LARP4: variants seen among roughly 807,000 people sequenced by gnomAD.
LARP4 encodes La ribonucleoprotein 4, also known as la-related protein 4.
Under a neutral mutation model 92.9 loss-of-function variants are expected in LARP4, and 29 were observed. That is an observed-to-expected ratio of 0.31 (90% CI 0.23 to 0.43). LARP4 has a LOEUF of 0.43. Among genes scored for constraint, LARP4 ranks in the 20% least tolerant of loss-of-function variants. The probability of loss-of-function intolerance (pLI) is 1.00; values close to 1 mark genes in which losing one functional copy is unlikely to be tolerated. For synonymous variants in LARP4, 279 were observed against 284.1 expected, an observed-to-expected ratio of 0.98 and a Z score of 0.18; for missense variants, 732 against 860.0, an observed-to-expected ratio of 0.85 and a Z score of 1.86.
intron 1 of LARP4, among the ~76,000 whole-genome samples, chr12:50,411,908 C>T (rs1016563281): frequency 6.6e-6 from 1 of 152,152 alleles, no homozygotes; most frequent in African/African-American, 2.4e-5. Context: ...GTCTTGAACT[C>T]CTGACCTCAG....
chr12:50,404,608 C>A (rs548510055), intron 1 of LARP4, among the ~76,000 whole-genome samples: 18 of 151,240 alleles, frequency 1.2e-4, no homozygotes, highest in Admixed American at 2.0e-4. Flanking sequence ...GAGACCGAGT[C>A]TCGCTCTGAG....
intron 10 of LARP4, among the ~76,000 whole-genome samples, chr12:50,460,668 C>T (rs567644526): frequency 5.3e-5 from 8 of 151,870 alleles, no homozygotes; most frequent in Middle Eastern, 3.4e-3. Flanking sequence ...TGGCCTGGCA[C>T]GGTGGCTCAC....
intron 5 of LARP4, 68 bp from the exon 6 acceptor site, chr12:50,437,667 T>G (rs1950633303): frequency 1.2e-6 from 1 of 864,924 alleles, no homozygotes; most frequent in Non-Finnish European, 1.8e-6. Flanking sequence ...AATGAATAGT[T>G]TCTTTAATGG....
intron 8 of LARP4, among the ~76,000 whole-genome samples, chr12:50,444,422 T>G (rs1166808588): frequency 6.6e-6 from 1 of 152,194 alleles, no homozygotes; most frequent in Non-Finnish European, 1.5e-5. Flanking sequence ...TTTTTCTTTA[T>G]GCTTCTTTTG....
At position 50,453,527 on chromosome 12, in the gene LARP4, A is replaced by C; in HGVS notation, c.872A>C (p.Tyr291Ser). 6.2e-7 allele frequency: 1 copy of C among 1,613,260 alleles called. No individual in the cohort carries two copies. Among genetic ancestry groups the C allele is most frequent in the Non-Finnish European group, 8.5e-7 (1 of 1,179,292 alleles). The change falls in exon 9 of 16, where the codon TAT becomes TCT. Residue 291 changes from tyrosine (Y) to serine (S), a missense_variant. Coordinates refer to ENST00000398473, the MANE Select transcript of LARP4 (RefSeq NM_052879.5). ...TATCGATTAATGGATTCTAGTATCTATAGTCACCCCATTCAAACTCAAGCA... is the reference window on the plus strand; with the variant it reads ...TATCGATTAATGGATTCTAGTATCTCTAGTCACCCCATTCAAACTCAAGCA... The part of the protein sequence containing the change: ...NGYRLMDSSI[Y>S]SHPIQTQAQY...
chr12:50,415,701 T>G lies in LARP4; in HGVS notation c.19-12061T>G, dbSNP rs966670551. 2 of 150,816 alleles carry G rather than the reference T, an allele frequency of 1.3e-5. 1 individual carries two copies. Among genetic ancestry groups the G allele is most frequent in the Admixed American group, 1.3e-4 (2 of 15,108 alleles). 9.3% of individuals were successfully genotyped at this position (150,816 alleles called of 1,614,324 possible). A position where few individuals can be genotyped will look rare whatever the true frequency, so the allele number is the denominator to read the frequency against. On this transcript the variant is annotated intron_variant, in intron 1 of 15. Coordinates refer to ENST00000398473, the MANE Select transcript of LARP4 (RefSeq NM_052879.5). ...ATTCCCAGCTTCTTTTTTTTGTTTT[T>G]TTTTTTTGAGACGGGCTCACTTTGT...
chr12:50,401,239 G>C, intron 1 of LARP4: 3 of 630,688 alleles, frequency 4.8e-6, no homozygotes, highest in Non-Finnish European at 8.5e-6. Flanking sequence ...CCGTAGTGGA[G>C]AAGAATTGAA....
intron 12 of LARP4, among the ~76,000 whole-genome samples, chr12:50,464,127 A>G (rs137945956): frequency 2.0e-5 from 3 of 152,118 alleles, no homozygotes; most frequent in African/African-American, 7.2e-5. Flanking sequence ...CTCAGTACCA[A>G]TTTTCGTTAA....
At position 50,454,255 on chromosome 12, in the gene LARP4, C is replaced by A. The variant is rs577743561; in HGVS notation, c.1018-59C>A. ...CATAAGCTCATTAAGGTTCTTGTGA[C>A]CCTCACACCAGATTTTACCTTTGCC... On this transcript the variant is annotated intron_variant, in intron 9 of 15. Coordinates refer to ENST00000398473, the MANE Select transcript of LARP4 (RefSeq NM_052879.5). The A allele has an allele frequency of 5.8e-4, 721 of 1,251,330 alleles. 10 individuals carry two copies. The South Asian group carries it at 9.2e-3, about 16-fold the overall frequency. 77.5% of individuals were successfully genotyped at this position (1,251,330 alleles called of 1,614,324 possible).
chr12:50,445,151 A>C (rs909294339), intron 8 of LARP4, among the ~76,000 whole-genome samples: 13 of 151,994 alleles, frequency 8.6e-5, no homozygotes, highest in African/African-American at 3.1e-4. Flanking sequence ...CGATCCCCCC[A>C]CTAAGGCCTC....
Position 50,441,532 on chromosome 12 carries a change from ATAACT to A in LARP4, c.751-56_751-52del, listed in dbSNP as rs1951203564. 7 of 1,239,994 alleles carry A rather than the reference ATAACT, an allele frequency of 5.6e-6. No homozygotes were observed. The Admixed American group carries it at 6.5e-5, about 12-fold the overall frequency. The allele number at this position is 1,239,994 out of a possible 1,614,324, so 76.8% of individuals were successfully genotyped here. On this transcript the variant is annotated intron_variant, in intron 7 of 15. Coordinates refer to ENST00000398473, the MANE Select transcript of LARP4 (RefSeq NM_052879.5). ...ATACTAAACTCTCAACATAATAAAG[ATAACT>A]TTACTGAAATGTTTGAATGCTAATG... is the stretch of plus-strand genomic sequence containing the variant.
At chr12:50,452,724 G>T (rs1953450705) in intron 8 of LARP4, among the ~76,000 whole-genome samples, 1 of 152,068 alleles carries the variant, frequency 6.6e-6, no homozygotes, top group Non-Finnish European at 1.5e-5. Flanking sequence ...TTATGAGTGA[G>T]TTTAGCATCT....
rs1957696052 is a variant in LARP4 at position 50,478,670 on chromosome 12, T to A, written c.*2806T>A. 1 of 152,018 alleles carries A rather than the reference T, an allele frequency of 6.6e-6. No homozygotes were observed. The highest frequency in any genetic ancestry group is 2.4e-5 in the African/African-American group (1 of 41,412). The allele number at this position is 152,018 out of a possible 1,614,324, so 9.4% of individuals were successfully genotyped here. A position where few individuals can be genotyped will look rare whatever the true frequency, so the allele number is the denominator to read the frequency against. On this transcript the variant is annotated 3_prime_UTR_variant, in exon 16 of 16. Coordinates refer to ENST00000398473, the MANE Select transcript of LARP4 (RefSeq NM_052879.5). Reference sequence around the variant, plus strand: ...TCTTACTGCATGAAGAGAACAAGAGTCACACAAGTTCACCACTTTGCACTT... The same window carrying A: ...TCTTACTGCATGAAGAGAACAAGAGACACACAAGTTCACCACTTTGCACTT...
intron 1 of LARP4, among the ~76,000 whole-genome samples, chr12:50,427,285 A>G (rs1346538735): frequency 6.6e-6 from 1 of 152,240 alleles, no homozygotes; most frequent in African/African-American, 2.4e-5. Flanking sequence ...ATGAAAAAAT[A>G]CACAAGTGTC....
chr12:50,401,304 A>G (rs1943777773), intron 1 of LARP4: 2 of 496,726 alleles, frequency 4.0e-6, no homozygotes, highest in East Asian at 3.8e-5. Flanking sequence ...GGAAGGGGAA[A>G]GTGTCCCATA....
intron 10 of LARP4, among the ~76,000 whole-genome samples, chr12:50,456,490 T>G (rs766002605): frequency 3.5e-4 from 53 of 152,062 alleles, no homozygotes; most frequent in Non-Finnish European, 7.1e-4. Context: ...CTGCCAGGCA[T>G]TTATTATTAT....
chr12:50,466,086 T>C (rs944275027), intron 12 of LARP4, among the ~76,000 whole-genome samples: 22 of 152,140 alleles, frequency 1.4e-4, no homozygotes, highest in Non-Finnish European at 1.2e-4. Context: ...AAATGCTATA[T>C]GTCAGGAAAT....
At chr12:50,454,264 C>A in intron 9 of LARP4, 50 bp from the exon 10 acceptor site, 2 of 1,392,766 alleles carry the variant, frequency 1.4e-6, no homozygotes, top group South Asian at 1.2e-5. Context: ...ACCCTCACAC[C>A]AGATTTTACC....
chr12:50,475,478 T>C, intron 15 of LARP4, 48 bp from the exon 16 acceptor site: 1 of 1,420,624 alleles, frequency 7.0e-7, no homozygotes, highest in Non-Finnish European at 9.6e-7. Flanking sequence ...TACTTTATAA[T>C]TTAAAGAATG....
Sources: gnomAD v4.1 joint callset for allele counts (sites outside exome capture counted in the v4.1 genomes callset) on GRCh38, gnomAD v4.1.1 for gene constraint, MANE v1.5 for transcripts, NCBI Gene and HGNC (gene_info 2026-07-23, HGNC 2026-07-21) for gene names.